The following TSPAN11 variants were observed in gnomAD, a reference collection of about 807,000 sequenced individuals.
TSPAN11 encodes tetraspanin 11, also known as tetraspanin-11.
In TSPAN11, 29 loss-of-function variants were observed where a neutral mutation model predicts 32.9. The observed-to-expected ratio is 0.88, with a 90% CI of 0.66 to 1.20. The LOEUF (loss-of-function observed/expected upper bound fraction) is 1.20. Ranked by LOEUF, TSPAN11 falls within the 50% of genes most tolerant of loss-of-function variation. The probability of loss-of-function intolerance (pLI) is 0.00; values close to 1 mark genes in which losing one functional copy is unlikely to be tolerated. For synonymous variants in TSPAN11, 140 were observed against 141.3 expected (o/e 0.99, Z 0.07); for missense variants, 283 against 329.1 (o/e 0.86, Z 1.08).
intron 3 of TSPAN11, among the ~76,000 whole-genome samples, chr12:30,972,282 A>G (rs563512873): frequency 2.0e-5 from 3 of 152,286 alleles, no homozygotes; most frequent in African/African-American, 7.2e-5. Context: ...AGAACCAGGT[A>G]AAGATCAGAG....
intron 3 of TSPAN11, among the ~76,000 whole-genome samples, chr12:30,969,939 G>A (rs1189328246): frequency 6.6e-6 from 1 of 152,160 alleles, no homozygotes; most frequent in Non-Finnish European, 1.5e-5. Flanking sequence ...TTGGTCAGAG[G>A]CTCTGACCTC....
chr12:30,957,043 A>G (rs1354236018), intron 2 of TSPAN11, among the ~76,000 whole-genome samples: 4 of 152,226 alleles, frequency 2.6e-5, no homozygotes, highest in South Asian at 2.1e-4. Flanking sequence ...ACTTGAGAGC[A>G]TCACTTCAGG....
the TSPAN11 span, chr12:31,005,659 G>T: frequency 1.3e-5 from 2 of 152,784 alleles, no homozygotes; most frequent in Non-Finnish European, 2.9e-5. Context: ...GGGCGCAGGG[G>T]TCATATCTGG....
intron 3 of TSPAN11, among the ~76,000 whole-genome samples, chr12:30,974,986 C>G (rs150675358): frequency 6.6e-6 from 1 of 152,168 alleles, no homozygotes; most frequent in Non-Finnish European, 1.5e-5. Context: ...AAGACTGAGC[C>G]GAGCTGGGTG....
intron 7 of TSPAN11, among the ~76,000 whole-genome samples, chr12:30,990,137 C>CGTGTGTGTGT (rs10692114): frequency 5.3e-5 from 8 of 151,768 alleles, no homozygotes; most frequent in African/African-American, 1.5e-4. Flanking sequence ...GTGGTGTTCA[C>CGTGTGTGTGT]GTGTGTGTGT....
chr12:30,973,504 C>A (rs1333165015), intron 3 of TSPAN11, among the ~76,000 whole-genome samples: 2 of 152,028 alleles, frequency 1.3e-5, no homozygotes, highest in Admixed American at 1.3e-4. Context: ...GGAAGGGATG[C>A]CTGTCTATTG....
At chr12:30,957,236 C>A (rs1207386410) in intron 2 of TSPAN11, among the ~76,000 whole-genome samples, 2 of 146,868 alleles carry the variant, frequency 1.4e-5, no homozygotes, top group African/African-American at 4.9e-5. Context: ...GGACCCCCCC[C>A]CCCCCCACAC....
intron 3 of TSPAN11, among the ~76,000 whole-genome samples, chr12:30,973,114 A>G (rs768733180): frequency 3.3e-5 from 5 of 152,216 alleles, no homozygotes; most frequent in Non-Finnish European, 7.3e-5. Context: ...TAGTGGGGAC[A>G]GTACCATGCA....
intron 4 of TSPAN11, 96 bp downstream of exon 4, chr12:30,978,731 G>C: frequency 7.8e-7 from 1 of 1,285,582 alleles, no homozygotes. Flanking sequence ...AGCTGAGGAA[G>C]GCACAAGGGC....
At chr12:31,006,296 C>T in the TSPAN11 span, among the ~76,000 whole-genome samples, 3 of 152,214 alleles carry the variant, frequency 2.0e-5, no homozygotes, top group Admixed American at 2.0e-4. Context: ...CGCCAACCAC[C>T]CCAGTGTGGT....
chr12:30,933,419 T>G (rs542393117), intron 1 of TSPAN11, among the ~76,000 whole-genome samples: 1 of 152,328 alleles, frequency 6.6e-6, no homozygotes, highest in East Asian at 1.9e-4. Flanking sequence ...CTTCCCTCCA[T>G]GTATGTGACA....
At chr12:30,998,773 G>A (rs1939449601), downstream of TSPAN11, 1 of 152,242 alleles carries the variant, frequency 6.6e-6, no homozygotes, top group African/African-American at 2.4e-5. Flanking sequence ...GGGATGAGGA[G>A]CAACTTCCGC....
At chr12:31,015,103 C>A in the TSPAN11 span, among the ~76,000 whole-genome samples, 1 of 152,308 alleles carries the variant, frequency 6.6e-6, no homozygotes, top group South Asian at 2.1e-4. The surrounding 1 kb of genome is among the most constrained non-coding windows in gnomAD (Gnocchi z 4.9). Context: ...AATAATGGTG[C>A]TTTCCTCACA....
chr12:31,013,748 G>C, the TSPAN11 span, among the ~76,000 whole-genome samples: 17 of 152,178 alleles, frequency 1.1e-4, no homozygotes, highest in African/African-American at 3.1e-4. Flanking sequence ...ATGATAAAGA[G>C]AGGCCAGTTT....
intron 7 of TSPAN11, among the ~76,000 whole-genome samples, chr12:30,989,903 A>C (rs888254775): frequency 6.6e-6 from 1 of 152,170 alleles, no homozygotes; most frequent in African/African-American, 2.4e-5. Context: ...AGCTGCCAGA[A>C]GATAGCACCA....
At chr12:30,962,323 C>G (rs1055869498) in intron 2 of TSPAN11, among the ~76,000 whole-genome samples, 5 of 152,132 alleles carry the variant, frequency 3.3e-5, no homozygotes, top group African/African-American at 4.8e-5. Flanking sequence ...GGAGCAGGCC[C>G]AGCCCAGTCT....
chr12:30,942,800 G>T (rs1182081509), intron 1 of TSPAN11, among the ~76,000 whole-genome samples: 4 of 151,710 alleles, frequency 2.6e-5, no homozygotes, highest in Non-Finnish European at 2.9e-5. Flanking sequence ...TAGAGACAAA[G>T]AATTCTTAGT....
the TSPAN11 span, among the ~76,000 whole-genome samples, chr12:31,004,877 C>A: frequency 6.6e-6 from 1 of 152,270 alleles, no homozygotes; most frequent in East Asian, 1.9e-4. Context: ...GGGACCCCCA[C>A]TGCTCTGGCA....
intron 7 of TSPAN11, among the ~76,000 whole-genome samples, chr12:30,987,436 G>A (rs183340735): frequency 2.0e-5 from 3 of 152,144 alleles, no homozygotes; most frequent in Non-Finnish European, 2.9e-5. Flanking sequence ...GTGAAACCCC[G>A]TCTCTACTAA....
Sources: gnomAD v4.1 joint callset for allele counts (sites outside exome capture counted in the v4.1 genomes callset) on GRCh38, gnomAD v4.1.1 for gene constraint, Gnocchi (gnomAD v3.1) non-coding constraint, MANE v1.5 for transcripts, NCBI Gene and HGNC (gene_info 2026-07-23, HGNC 2026-07-21) for gene names.